The following MGLL variants were observed in gnomAD, a reference collection of about 807,000 sequenced individuals.
MGLL encodes lysophospholipase homolog.
In MGLL, 7 loss-of-function variants were observed where a neutral mutation model predicts 29.1. The observed-to-expected ratio is 0.24, with a 90% CI of 0.14 to 0.45. The LOEUF is 0.45. Ranked by LOEUF, MGLL falls within the 20% of genes least tolerant of loss-of-function variation. MGLL has a pLI of 0.99. For missense variants in MGLL, 356 were observed against 413.6 expected (o/e 0.86, Z 1.21); for synonymous variants, 148 against 168.3 (o/e 0.88, Z 0.93).
intron 2 of MGLL, among the ~76,000 whole-genome samples, chr3:127,789,316 C>G (rs2077263996): frequency 6.6e-6 from 1 of 152,126 alleles, no homozygotes; most frequent in African/African-American, 2.4e-5. Flanking sequence ...AGGCCCGGGA[C>G]CCATCTACGG....
chr3:127,732,044 G>A (rs925352909), intron 3 of MGLL, among the ~76,000 whole-genome samples: 8 of 152,172 alleles, frequency 5.3e-5, no homozygotes, highest in African/African-American at 1.9e-4. Flanking sequence ...TGAGTCCCCC[G>A]GGAACCTATA....
intron 6 of MGLL, among the ~76,000 whole-genome samples, chr3:127,701,568 C>T (rs1198188033): frequency 1.3e-5 from 2 of 152,168 alleles, no homozygotes; most frequent in African/African-American, 4.8e-5. Flanking sequence ...CCTGGGACAC[C>T]TCCATCCCTG....
At chr3:127,725,935 T>C (rs1576508636) in intron 3 of MGLL, among the ~76,000 whole-genome samples, 2 of 151,620 alleles carry the variant, frequency 1.3e-5, no homozygotes, top group East Asian at 1.9e-4. Flanking sequence ...AACTGGACAT[T>C]GGTGGCGTGG....
rs137859885 is a variant in MGLL, at chr3:127,809,922, G to A, written c.155+11772C>T. 1.2e-3 allele frequency among the ~76,000 whole-genome samples: 185 copies of A among 152,276 alleles called. 1 individual carries two copies. Among genetic ancestry groups the A allele is most frequent in the African/African-American group, 3.9e-3 (162 of 41,548 alleles). ...CGGAACCACAGAGAAGTACGGATGT[G>A]AAAGGGTGAGATCCTTGTCCAATTC... is the stretch of plus-strand genomic sequence containing the variant. On this transcript the variant is annotated intron_variant, in intron 2 of 7. Coordinates refer to ENST00000265052, the MANE Select transcript of MGLL (RefSeq NM_007283.7).
intron 3 of MGLL, among the ~76,000 whole-genome samples, chr3:127,745,161 C>T (rs2076418695): frequency 6.6e-6 from 1 of 152,142 alleles, no homozygotes; most frequent in South Asian, 2.1e-4. Context: ...CCATCGGGGC[C>T]AGGGTATTTA....
intron 2 of MGLL, among the ~76,000 whole-genome samples, chr3:127,789,329 G>A (rs2077264323): frequency 6.6e-6 from 1 of 152,194 alleles, no homozygotes. Context: ...ATCTACGGCT[G>A]GAAGGAAAAT....
At chr3:127,752,249 A>G (rs1003212280) in intron 3 of MGLL, among the ~76,000 whole-genome samples, 19 of 152,040 alleles carry the variant, frequency 1.2e-4, no homozygotes, top group Admixed American at 1.0e-3. Context: ...GGCGCCTGCC[A>G]CCACTCCCAG....
At chr3:127,794,708 G>A in intron 2 of MGLL, among the ~76,000 whole-genome samples, 1 of 152,164 alleles carries the variant, frequency 6.6e-6, no homozygotes, top group Admixed American at 6.6e-5. Flanking sequence ...TATGATGTAA[G>A]ACTATCTTCT....
At chr3:127,805,762 G>A (rs2077554776) in intron 2 of MGLL, among the ~76,000 whole-genome samples, 1 of 152,190 alleles carries the variant, frequency 6.6e-6, no homozygotes, top group Admixed American at 6.5e-5. Context: ...CACTGTCTAT[G>A]GCAATAAAAT....
Position 127,779,145 on chromosome 3 carries a change from C to T in MGLL, c.262+2644G>A, listed in dbSNP as rs1159065232. On this transcript the variant is annotated intron_variant, in intron 3 of 7. Coordinates refer to ENST00000265052, the MANE Select transcript of MGLL (RefSeq NM_007283.7). Reference sequence around the variant, plus strand: ...CTTTGGGAGGCCGAGGAGAGTGGATCACCTGAGGTCAGGAGTTCGAGACCA... The same window carrying T: ...CTTTGGGAGGCCGAGGAGAGTGGATTACCTGAGGTCAGGAGTTCGAGACCA... Among the ~76,000 whole-genome samples, 3 of 152,274 alleles carry T rather than the reference C, an allele frequency of 2.0e-5. No homozygotes were observed. The East Asian group carries it at 5.8e-4, about 30-fold the overall frequency.
At chr3:127,699,063 G>T (rs985543110) in intron 6 of MGLL, among the ~76,000 whole-genome samples, 1 of 152,254 alleles carries the variant, frequency 6.6e-6, no homozygotes, top group African/African-American at 2.4e-5. Flanking sequence ...CCCGGGGTGG[G>T]GGTTGGGAGT....
chr3:127,756,738 C>A (rs4974449), intron 3 of MGLL, among the ~76,000 whole-genome samples: 26,185 of 152,202 alleles, frequency 0.17, 2,857 homozygotes, highest in South Asian at 0.24. Context: ...TTGACTGTTA[C>A]AACTAGTCTT....
chr3:127,712,888 T>C (rs937892724), intron 5 of MGLL: 2 of 152,262 alleles, frequency 1.3e-5, no homozygotes, highest in Admixed American at 6.5e-5. Context: ...CAAATGTCTG[T>C]GAACTCCAAG....
chr3:127,729,224 C>T (rs912604658), intron 3 of MGLL, among the ~76,000 whole-genome samples: 7 of 152,202 alleles, frequency 4.6e-5, no homozygotes, highest in African/African-American at 1.4e-4. Context: ...AGGCCTTCCC[C>T]ACTCCACGGG....
chr3:127,710,597 C>T lies in MGLL; in HGVS notation c.579G>A (p.Val193=). 1 of 1,566,908 alleles carries T rather than the reference C, an allele frequency of 6.4e-7. No homozygotes were observed. Among genetic ancestry groups the T allele is most frequent in the Non-Finnish European group, 8.7e-7 (1 of 1,154,694 alleles). The part of the protein sequence containing the change: ...NLSLGPIDSS[V]LSRNKTEVDI... ...TCACCTCTGTCTTATTCCGAGAGAG[C>T]ACGCTGGAGTCGATGGGCCCGAGGG... The change falls in exon 6 of 8, where the codon GTG becomes GTA. Residue 193 remains valine (V), a synonymous_variant. Coordinates refer to ENST00000265052, the MANE Select transcript of MGLL (RefSeq NM_007283.7).
chr3:127,788,022 C>T (rs1286554127), intron 2 of MGLL, among the ~76,000 whole-genome samples: 5 of 152,090 alleles, frequency 3.3e-5, no homozygotes, highest in Non-Finnish European at 7.3e-5. Flanking sequence ...CGACAGTGCA[C>T]GGGAGACAGA....
At chr3:127,753,285 G>A (rs1246119345) in intron 3 of MGLL, among the ~76,000 whole-genome samples, 1 of 152,180 alleles carries the variant, frequency 6.6e-6, no homozygotes, top group African/African-American at 2.4e-5. Context: ...TGCAGGTGTC[G>A]ACGATGAATT....
chr3:127,804,900 T>C (rs1345169819), intron 2 of MGLL, among the ~76,000 whole-genome samples: 1 of 152,100 alleles, frequency 6.6e-6, no homozygotes, highest in Non-Finnish European at 1.5e-5. Context: ...CAGCACAGGC[T>C]CTGCTGGGAA....
chr3:127,805,416 T>A (rs754849946), intron 2 of MGLL, among the ~76,000 whole-genome samples: 18 of 152,154 alleles, frequency 1.2e-4, no homozygotes, highest in Non-Finnish European at 1.8e-4. Flanking sequence ...GCCAGCATCA[T>A]CAGTGGGAGC....
Sources: allele counts gnomAD v4.1 joint callset (sites outside exome capture counted in the v4.1 genomes callset), GRCh38; gene constraint gnomAD v4.1.1; transcripts MANE v1.5; gene names NCBI Gene and HGNC (gene_info 2026-07-23, HGNC 2026-07-21).